The following GRID2 variants were observed in gnomAD, a reference collection of about 807,000 sequenced individuals.
The protein encoded by GRID2 is glutamate ionotropic receptor delta type subunit 2.
GRID2 carries 33 observed loss-of-function variants against 114.8 expected under a neutral mutation model. The ratio of observed to expected loss-of-function variants is 0.29; its 90% CI spans 0.22 to 0.38. GRID2 has a LOEUF of 0.38. GRID2 is among the 10% of genes least tolerant of loss of function. The pLI is 1.00. For synonymous variants in GRID2, 505 were observed against 449.9 expected, an observed-to-expected ratio of 1.12 and a Z score of -1.55; for missense variants, 1,184 against 1,257.7, an observed-to-expected ratio of 0.94 and a Z score of 0.89.
Position 92,578,041 on chromosome 4 carries a change from T to TTTCTTCTTCTTCTTCTTC in GRID2, c.89-12033_89-12016dup, listed in dbSNP as rs201059955. Among the ~76,000 whole-genome samples, 50 of 125,768 alleles carry TTTCTTCTTCTTCTTCTTC rather than the reference T, an allele frequency of 4.0e-4. 1 individual carries two copies. The highest frequency in any genetic ancestry group is 8.8e-4 in the South Asian group (3 of 3,390). The allele number at this position is 125,768 out of a possible 152,430, so 82.5% of individuals were successfully genotyped here. A position where few individuals can be genotyped will look rare whatever the true frequency, so the allele number is the denominator to read the frequency against. On this transcript the variant is annotated intron_variant, in intron 1 of 15. Coordinates refer to ENST00000282020, the MANE Select transcript of GRID2 (RefSeq NM_001510.4). ...CTTACTAAAATTTTCTGAAACTTAGTTTCTTCTTCTTCTTCTTCTTCTTCT... is the reference window on the plus strand; with the variant it reads ...CTTACTAAAATTTTCTGAAACTTAGTTTCTTCTTCTTCTTCTTCTTCTTCTTCTTCTTCTTCTTCTTCT...
chr4:92,432,941 A>G (rs1406270610), intron 1 of GRID2, among the ~76,000 whole-genome samples: 1 of 152,122 alleles, frequency 6.6e-6, no homozygotes, highest in Non-Finnish European at 1.5e-5. Context: ...TCAAAGCCCA[A>G]GGGCTCTTTA....
chr4:92,788,509 C>A (rs554022011), intron 2 of GRID2, among the ~76,000 whole-genome samples: 1 of 151,940 alleles, frequency 6.6e-6, no homozygotes, highest in African/African-American at 2.4e-5. Flanking sequence ...AGAGAACATG[C>A]AAGAATTTTT....
chr4:92,961,796 CAT>C (rs1049494898), intron 2 of GRID2, among the ~76,000 whole-genome samples: 10 of 151,462 alleles, frequency 6.6e-5, no homozygotes, highest in African/African-American at 2.2e-4. Flanking sequence ...AGTCTCATTA[CAT>C]ATATGTTACA....
At chr4:92,537,943 C>G (rs1725735961) in intron 1 of GRID2, among the ~76,000 whole-genome samples, 2 of 152,024 alleles carry the variant, frequency 1.3e-5, no homozygotes, top group South Asian at 4.1e-4. Context: ...CTCTCCATCT[C>G]TATAAGAAAA....
At chr4:92,439,912 A>C (rs1021433362) in intron 1 of GRID2, among the ~76,000 whole-genome samples, 1 of 145,928 alleles carries the variant, frequency 6.9e-6, no homozygotes, top group African/African-American at 2.4e-5. Flanking sequence ...AGAGCAGGGC[A>C]TGTATGAGTA....
chr4:92,722,993 T>C (rs1315048256), intron 2 of GRID2, among the ~76,000 whole-genome samples: 2 of 152,154 alleles, frequency 1.3e-5, no homozygotes, highest in South Asian at 2.1e-4. Context: ...AAGATGTTTG[T>C]TGCCCCAGTG....
chr4:93,068,801 T>C (rs182413136), intron 2 of GRID2, among the ~76,000 whole-genome samples: 14 of 152,140 alleles, frequency 9.2e-5, no homozygotes, highest in African/African-American at 2.6e-4. Flanking sequence ...TACATCCATG[T>C]ATTATTTCAT....
At chr4:92,789,644 T>G (rs1739484133) in intron 2 of GRID2, among the ~76,000 whole-genome samples, 1 of 151,918 alleles carries the variant, frequency 6.6e-6, no homozygotes, top group Admixed American at 6.6e-5. Flanking sequence ...TATCTGTTAT[T>G]TATAATTTCT....
At chr4:92,646,474 CT>C (rs1213770879) in intron 2 of GRID2, among the ~76,000 whole-genome samples, 2 of 150,874 alleles carry the variant, frequency 1.3e-5, no homozygotes, top group African/African-American at 4.9e-5. Flanking sequence ...TAAATCTTGA[CT>C]AAAAAAAAAA....
At chr4:93,307,422 T>A (rs1755553191) in intron 8 of GRID2, among the ~76,000 whole-genome samples, 1 of 152,044 alleles carries the variant, frequency 6.6e-6, no homozygotes, top group African/African-American at 2.4e-5. Context: ...CTTACCAGTT[T>A]GACCTAAACA....
chr4:92,344,734 G>C (rs915050751), intron 1 of GRID2, among the ~76,000 whole-genome samples: 1 of 152,098 alleles, frequency 6.6e-6, no homozygotes, highest in Admixed American at 6.5e-5. Flanking sequence ...ATAGTGTATT[G>C]TCTGAGGTCT....
intron 1 of GRID2, among the ~76,000 whole-genome samples, chr4:92,414,105 TA>T (rs142421418): frequency 0.013 from 1,983 of 152,282 alleles, 39 homozygotes; most frequent in African/African-American, 0.045. Context: ...CTTGGCATCA[TA>T]AGTAAGTTTG....
intron 2 of GRID2, among the ~76,000 whole-genome samples, chr4:92,989,300 A>AAAT (rs1553962741): frequency 0.11 from 10,080 of 91,196 alleles, 675 homozygotes; most frequent in Middle Eastern, 0.18. Context: ...AAAAAAAAAA[A>AAAT]AATAATAATA....
chr4:92,384,271 A>G (rs1039522178), intron 1 of GRID2, among the ~76,000 whole-genome samples: 3 of 148,666 alleles, frequency 2.0e-5, no homozygotes, highest in Admixed American at 6.9e-5. Flanking sequence ...GGGCACTTCA[A>G]ACAAAGTAGT....
chr4:92,655,089 A>G (rs1732161106), intron 2 of GRID2, among the ~76,000 whole-genome samples: 1 of 152,010 alleles, frequency 6.6e-6, no homozygotes, highest in East Asian at 1.9e-4. Context: ...ATAGGGGTCC[A>G]GTCTCATTCT....
chr4:93,156,185 A>G (rs1456959369), intron 4 of GRID2, among the ~76,000 whole-genome samples: 1 of 151,818 alleles, frequency 6.6e-6, no homozygotes. Context: ...CCTGGAACAC[A>G]GTGTTATATG....
At chr4:92,306,732 CTG>C (rs1725427236) in intron 1 of GRID2, among the ~76,000 whole-genome samples, 1 of 152,116 alleles carries the variant, frequency 6.6e-6, no homozygotes, top group African/African-American at 2.4e-5. Context: ...TAGAACAAAA[CTG>C]TTGTATTTTT....
chr4:93,064,924 T>G (rs1481593629), intron 2 of GRID2, among the ~76,000 whole-genome samples: 1 of 151,872 alleles, frequency 6.6e-6, no homozygotes, highest in Non-Finnish European at 1.5e-5. Context: ...GATTGTTACT[T>G]GTTTCCATTA....
chr4:92,868,273 A>G (rs1050689378), intron 2 of GRID2, among the ~76,000 whole-genome samples: 3 of 152,132 alleles, frequency 2.0e-5, no homozygotes, highest in Admixed American at 1.3e-4. Flanking sequence ...CATGGGGCTT[A>G]GCTACACAGA....
Sources: allele counts gnomAD v4.1 joint callset (sites outside exome capture counted in the v4.1 genomes callset), GRCh38; gene constraint gnomAD v4.1.1; transcripts MANE v1.5; gene names NCBI Gene and HGNC (gene_info 2026-07-23, HGNC 2026-07-21).